Variants in DPYD observed in about 807,000 individuals in gnomAD.
DPYD encodes dihydropyrimidine dehydrogenase [NADP(+)].
DPYD carries 109 observed loss-of-function variants against 116.2 expected under a neutral mutation model. The ratio of observed to expected loss-of-function variants is 0.94; its 90% CI spans 0.80 to 1.10. The LOEUF (loss-of-function observed/expected upper bound fraction) is 1.10. Ranked by LOEUF, DPYD falls within the 50% of genes least tolerant of loss-of-function variation. DPYD has a pLI of 0.00. For missense variants in DPYD, 1,302 were observed against 1,254.5 expected, an observed-to-expected ratio of 1.04 and a Z score of -0.57; for synonymous variants, 440 against 432.0, an observed-to-expected ratio of 1.02 and a Z score of -0.23.
chr1:97,597,409 T>C (rs958102110), intron 8 of DPYD, among the ~76,000 whole-genome samples: 6 of 152,170 alleles, frequency 3.9e-5, no homozygotes, highest in Admixed American at 3.3e-4. Flanking sequence ...AGGGATTTTG[T>C]CACTAGACAG....
chr1:97,336,948 C>A (rs1669318945), intron 16 of DPYD, among the ~76,000 whole-genome samples: 1 of 152,124 alleles, frequency 6.6e-6, no homozygotes, highest in Admixed American at 6.6e-5. Flanking sequence ...AGGTCAAATT[C>A]TGTGCAGTAC....
intron 5 of DPYD, 113 bp downstream of exon 5, chr1:97,721,397 T>A: frequency 1.6e-6 from 2 of 1,266,540 alleles, no homozygotes; most frequent in Non-Finnish European, 1.1e-6. Flanking sequence ...ACTTGAGCTG[T>A]GTGTCACACT....
At chr1:97,648,220 T>C (rs1048504067) in intron 8 of DPYD, among the ~76,000 whole-genome samples, 1 of 152,020 alleles carries the variant, frequency 6.6e-6, no homozygotes, top group Non-Finnish European at 1.5e-5. Context: ...AGACTAAATA[T>C]GGATTCAATC....
chr1:97,234,207 C>A (rs917747391), intron 19 of DPYD, among the ~76,000 whole-genome samples: 1 of 152,094 alleles, frequency 6.6e-6, no homozygotes, highest in Non-Finnish European at 1.5e-5. Flanking sequence ...AATGTGCTGA[C>A]AGTACTAAGC....
intron 18 of DPYD, among the ~76,000 whole-genome samples, chr1:97,274,740 A>G (rs535426039): frequency 6.6e-6 from 1 of 152,282 alleles, no homozygotes; most frequent in African/African-American, 2.4e-5. Flanking sequence ...CCAACATAAT[A>G]TGTTCTATTA....
chr1:97,329,544 C>A (rs140010859), intron 16 of DPYD, among the ~76,000 whole-genome samples: 1 of 151,506 alleles, frequency 6.6e-6, no homozygotes, highest in Middle Eastern at 3.4e-3. Flanking sequence ...GTCAGGAGTT[C>A]GAGACCAGCC....
At chr1:97,170,894 C>T (rs12133566) in intron 20 of DPYD, among the ~76,000 whole-genome samples, 21,321 of 151,890 alleles carry the variant, frequency 0.14, 1,708 homozygotes, top group East Asian at 0.29. Context: ...CAGGCTGGTT[C>T]GAGCTCCTGA....
intron 20 of DPYD, among the ~76,000 whole-genome samples, chr1:97,155,221 C>T (rs1423580981): frequency 6.6e-6 from 1 of 152,162 alleles, no homozygotes; most frequent in African/African-American, 2.4e-5. Flanking sequence ...TTTGATTTCA[C>T]TACTATACTT....
intron 13 of DPYD, among the ~76,000 whole-genome samples, chr1:97,489,293 G>A (rs1286949142): frequency 6.6e-6 from 1 of 152,168 alleles, no homozygotes; most frequent in African/African-American, 2.4e-5. Context: ...CTACCTTGAA[G>A]TTAAGGCAAA....
chr1:97,630,120 C>G (rs1346209806), intron 8 of DPYD, among the ~76,000 whole-genome samples: 1 of 151,538 alleles, frequency 6.6e-6, no homozygotes, highest in African/African-American at 2.4e-5. Flanking sequence ...CAGTGAAGAA[C>G]GTCTATGCTG....
chr1:97,789,231 T>C (rs1667195153), intron 3 of DPYD, among the ~76,000 whole-genome samples: 1 of 152,204 alleles, frequency 6.6e-6, no homozygotes, highest in African/African-American at 2.4e-5. Flanking sequence ...AATTTGAGTA[T>C]AAAATTAATC....
At chr1:97,511,965 A>T (rs1647834829) in intron 13 of DPYD, among the ~76,000 whole-genome samples, 1 of 151,916 alleles carries the variant, frequency 6.6e-6, no homozygotes, top group Non-Finnish European at 1.5e-5. Context: ...CACTATAGAA[A>T]AGCAACATAG....
chr1:97,660,851 T>C (rs965576173), intron 8 of DPYD, among the ~76,000 whole-genome samples: 2 of 152,190 alleles, frequency 1.3e-5, no homozygotes, highest in Admixed American at 6.5e-5. Flanking sequence ...GTTCTTCTTT[T>C]CTGGTCTCTT....
intron 13 of DPYD, among the ~76,000 whole-genome samples, chr1:97,467,528 C>T (rs1333588088): frequency 6.6e-6 from 1 of 152,190 alleles, no homozygotes; most frequent in Non-Finnish European, 1.5e-5. Flanking sequence ...AAATCCTCAT[C>T]TGTAAGCCAT....
At chr1:97,580,155 G>A (rs773907788) in intron 10 of DPYD, among the ~76,000 whole-genome samples, 6 of 152,184 alleles carry the variant, frequency 3.9e-5, no homozygotes, top group Non-Finnish European at 8.8e-5. Context: ...AGTATAATGA[G>A]CAGAGCTCAA....
chr1:97,196,781 G>C (rs181027786), intron 19 of DPYD, among the ~76,000 whole-genome samples: 135 of 152,192 alleles, frequency 8.9e-4, no homozygotes, highest in African/African-American at 3.2e-3. Flanking sequence ...CCATACAATA[G>C]AATATGACCT....
chr1:97,603,314 C>T (rs993914832), intron 8 of DPYD, among the ~76,000 whole-genome samples: 13 of 152,084 alleles, frequency 8.5e-5, no homozygotes, highest in African/African-American at 3.1e-4. Context: ...AATAAATCTT[C>T]CAGGCTTACA....
At chr1:97,369,015 C>T (rs182540949) in intron 16 of DPYD, among the ~76,000 whole-genome samples, 9 of 152,162 alleles carry the variant, frequency 5.9e-5, no homozygotes, top group African/African-American at 2.2e-4. Context: ...TCAGTACTAG[C>T]CTGAACTGGG....
At chr1:97,577,484 G>A (rs935888598) in intron 10 of DPYD, among the ~76,000 whole-genome samples, 15 of 152,160 alleles carry the variant, frequency 9.9e-5, no homozygotes, top group Admixed American at 6.5e-5. Flanking sequence ...TTTGGATAAC[G>A]CCCTGGACCC....
Sources: gnomAD v4.1 joint callset for allele counts (sites outside exome capture counted in the v4.1 genomes callset) on GRCh38, gnomAD v4.1.1 for gene constraint, MANE v1.5 for transcripts, NCBI Gene and HGNC (gene_info 2026-07-23, HGNC 2026-07-21) for gene names.